The following ATRX variants were observed in gnomAD, a reference collection of about 807,000 sequenced individuals.
The protein encoded by ATRX is ATRX chromatin remodeler, also known as chromatin remodeler ATRX.
ATRX carries 12 observed loss-of-function variants against 172.6 expected under a neutral mutation model. The ratio of observed to expected loss-of-function variants is 0.07; its 90% CI spans 0.04 to 0.11. The LOEUF (loss-of-function observed/expected upper bound fraction) is 0.11, where lower values mean the gene tolerates loss of function less well. ATRX is among the 10% of genes least tolerant of loss of function. The pLI, the probability that ATRX is intolerant of heterozygous loss-of-function variation, is 1.00. For synonymous variants in ATRX, 674 were observed against 594.7 expected (o/e 1.13, Z -1.94); for missense variants, 1,368 against 1,767.4 (o/e 0.77, Z 4.05).
intron 15 of ATRX, among the ~76,000 whole-genome samples, chrX:77,648,887 T>C (rs969501507): frequency 1.8e-5 from 2 of 111,673 alleles, no homozygotes; most frequent in Admixed American, 1.9e-4. Flanking sequence ...AAATGGAATA[T>C]GCCAGGTGTG....
chrX:77,652,229 C>T lies in ATRX; in HGVS notation c.4442G>A (p.Arg1481Gln), dbSNP rs2069280722. ...CAGTTTATCATCTTTAAGAATCTTC[C>T]GAATTTTCTTTCTGCCTTTTCCAGG... The part of the protein sequence containing the change: ...KSPGKGRKKI[R>Q]KILKDDKLRT... Residue 1481 changes from arginine to glutamine, a missense_variant, in exon 15 of 35, where the codon CGG becomes CAG. Physicochemically the swap from Arg to Gln is conservative, Grantham distance 43 (BLOSUM62 1). Around this residue, in one of 17 missense-constraint regions of ATRX, gnomAD observed 27 missense variants for 110.8 expected, o/e 0.24. Transcript: ENST00000373344. 1 of 1,210,549 alleles carries T rather than the reference C, an allele frequency of 8.3e-7. No homozygotes were observed. Among genetic ancestry groups the T allele is most frequent in the Non-Finnish European group, 1.1e-6 (1 of 895,347 alleles).
At chrX:77,717,794 T>C (rs1037093958) in intron 1 of ATRX, among the ~76,000 whole-genome samples, 9 of 111,371 alleles carry the variant, frequency 8.1e-5, no homozygotes, top group Admixed American at 2.9e-4. Context: ...TTAAACTTCA[T>C]GTTACTTAAA....
At chrX:77,598,640 A>G (rs1557085252) in intron 25 of ATRX, among the ~76,000 whole-genome samples, 2 of 111,236 alleles carry the variant, frequency 1.8e-5, no homozygotes, top group Admixed American at 9.6e-5. Flanking sequence ...CTCTCTTCAT[A>G]ATCTGCTATT....
intron 1 of ATRX, among the ~76,000 whole-genome samples, chrX:77,773,949 G>A (rs782707827): frequency 2.7e-5 from 3 of 110,982 alleles, no homozygotes; most frequent in African/African-American, 9.8e-5. Flanking sequence ...GAGGCCGGGC[G>A]CAGTGGCTCA....
intron 14 of ATRX, among the ~76,000 whole-genome samples, chrX:77,653,105 A>G (rs1419510405): frequency 9.0e-6 from 1 of 111,430 alleles, no homozygotes; most frequent in Non-Finnish European, 1.9e-5. Flanking sequence ...GCTAACGGGA[A>G]CGTCAAATGT....
chrX:77,759,507 A>T (rs1336432968), intron 1 of ATRX, among the ~76,000 whole-genome samples: 1 of 111,284 alleles, frequency 9.0e-6, no homozygotes, highest in Non-Finnish European at 1.9e-5. Context: ...TGAGGTCAGG[A>T]GTTCGAGACC....
In ATRX at chrX:77,693,858, A is replaced by C; in HGVS notation, c.450T>G (p.Ser150Arg). Residue 150 changes from serine (S) to arginine (R), a missense_variant, in exon 6 of 35, where the codon AGT (serine) becomes AGG (arginine). Around this residue, in one of 17 missense-constraint regions of ATRX, gnomAD observed 15 missense variants for 33.2 expected, o/e 0.45. Coordinates refer to ENST00000373344, the MANE Select transcript of ATRX (RefSeq NM_000489.6). The stretch of plus-strand genomic sequence containing the variant: ...TTTTGAGATTTTCAGTTTTCATTTT[A>C]CTTCTGCTTCTAAATTCAGGCCCTT... ...DFKGPEFRSRSKMKTENLKKR... is the reference protein window; with the variant it reads ...DFKGPEFRSRRKMKTENLKKR... The C allele has an allele frequency of 8.3e-7, 1 of 1,209,839 alleles. No individual in the cohort carries two copies. Among genetic ancestry groups the C allele is most frequent in the Non-Finnish European group, 1.1e-6 (1 of 894,188 alleles).
chrX:77,739,273 A>ATT (rs1213542272), intron 1 of ATRX, among the ~76,000 whole-genome samples: 1 of 110,550 alleles, frequency 9.0e-6, no homozygotes, highest in African/African-American at 3.3e-5. Flanking sequence ...TTCACTTAGA[A>ATT]TAATAGTCTC....
intron 1 of ATRX, among the ~76,000 whole-genome samples, chrX:77,743,414 G>C (rs2074953824): frequency 9.0e-6 from 1 of 110,935 alleles, no homozygotes; most frequent in African/African-American, 3.3e-5. Context: ...GTGGGGGCCT[G>C]AGTGCAAGCT....
At chrX:77,531,529 C>T (rs1557046384) in intron 30 of ATRX, among the ~76,000 whole-genome samples, 1 of 112,201 alleles carries the variant, frequency 8.9e-6, no homozygotes, top group African/African-American at 3.2e-5. Flanking sequence ...AACACAAAAA[C>T]CACATGATTA....
intron 10 of ATRX, 72 bp downstream of exon 10, chrX:77,676,154 C>T (rs1326370852): frequency 3.3e-5 from 33 of 1,007,230 alleles, no homozygotes; most frequent in Non-Finnish European, 4.3e-5. Context: ...CTTGCTGTTC[C>T]GTTGCTGCTG....
chrX:77,616,420 A>G (rs1557096757), intron 22 of ATRX, 193 bp downstream of exon 22: 1 of 1,112,179 alleles, frequency 9.0e-7, no homozygotes, highest in African/African-American at 1.8e-5. Context: ...TTTTTCATCA[A>G]TTTGCTTCTT....
intron 30 of ATRX, among the ~76,000 whole-genome samples, chrX:77,544,039 T>G (rs1344172142): frequency 9.1e-6 from 1 of 110,047 alleles, no homozygotes; most frequent in East Asian, 2.8e-4. Flanking sequence ...AATTAGGAAG[T>G]TATTCATTTT....
intron 18 of ATRX, 62 bp from the exon 19 acceptor site, chrX:77,633,446 T>A (rs1681149829): frequency 2.6e-6 from 3 of 1,142,723 alleles, no homozygotes; most frequent in Non-Finnish European, 3.6e-6. Context: ...TATTAAATAT[T>A]CCCACTGAAA....
intron 19 of ATRX, 54 bp from the exon 20 acceptor site, chrX:77,620,586 G>A (rs2067539560): frequency 2.9e-6 from 3 of 1,052,079 alleles, no homozygotes; most frequent in Non-Finnish European, 3.9e-6. Context: ...AACTGAAAAT[G>A]TGATCCATTT....
At chrX:77,675,616 T>TA (rs2070827160) in intron 10 of ATRX, 1 of 112,819 alleles carries the variant, frequency 8.9e-6, no homozygotes, top group African/African-American at 3.3e-5. Context: ...TATATCTGTA[T>TA]AGGCTACACT....
At chrX:77,564,300 A>G (rs2065121524) in intron 28 of ATRX, among the ~76,000 whole-genome samples, 1 of 111,872 alleles carries the variant, frequency 8.9e-6, no homozygotes, top group Admixed American at 9.5e-5. Context: ...AGCTCTGAAA[A>G]GTCAGAAGGA....
intron 30 of ATRX, among the ~76,000 whole-genome samples, chrX:77,536,544 G>T (rs1281743246): frequency 1.8e-5 from 2 of 111,426 alleles, no homozygotes; most frequent in Non-Finnish European, 3.8e-5. Flanking sequence ...CACCACTTTA[G>T]GATATTAATA....
chrX:77,508,227 T>C lies in ATRX; in HGVS notation c.*124A>G. The C allele has an allele frequency of 1.2e-6, 1 of 841,071 alleles. No individual in the cohort carries two copies. The highest frequency in any genetic ancestry group is 1.7e-6 in the Non-Finnish European group (1 of 596,922). The allele number at this position is 841,071 out of a possible 1,213,427, so 69.3% of individuals were successfully genotyped here. A position where few individuals can be genotyped will look rare whatever the true frequency, so the allele number is the denominator to read the frequency against. ...AAAAAAAAAAAAAGTAAAACTAATATGGAAGATTGGCATTTAAGGGGACCA... is the reference window on the plus strand; with the variant it reads ...AAAAAAAAAAAAAGTAAAACTAATACGGAAGATTGGCATTTAAGGGGACCA... On this transcript the variant is annotated 3_prime_UTR_variant, in exon 35 of 35. Coordinates refer to ENST00000373344, the MANE Select transcript of ATRX (RefSeq NM_000489.6).
Sources: gnomAD v4.1 joint callset for allele counts (sites outside exome capture counted in the v4.1 genomes callset) on GRCh38, gnomAD v4.1.1 for gene constraint, gnomAD v4.1.1 regional missense constraint, MANE v1.5 for transcripts, NCBI Gene and HGNC (gene_info 2026-07-23, HGNC 2026-07-21) for gene names.